Variants in CDYL observed in about 807,000 individuals in gnomAD.
CDYL encodes the protein chromodomain Y-like protein.
A neutral mutation model predicts 47.3 loss-of-function variants in CDYL; 8 were observed. The ratio of observed to expected loss-of-function variants is 0.17; its 90% CI spans 0.10 to 0.31. CDYL has a LOEUF of 0.31. CDYL is among the 10% of genes least tolerant of loss of function. The pLI is 1.00. For synonymous variants in CDYL, 266 were observed against 265.0 expected (o/e 1.00, Z -0.04); for missense variants, 471 against 701.4 (o/e 0.67, Z 3.71).
intron 2 of CDYL, among the ~76,000 whole-genome samples, chr6:4,919,754 T>C (rs1396444497): frequency 6.6e-6 from 1 of 152,178 alleles, no homozygotes; most frequent in Non-Finnish European, 1.5e-5. Flanking sequence ...TTCCAATAGT[T>C]TTATTATAAT....
intron 1 of CDYL, among the ~76,000 whole-genome samples, chr6:4,873,330 T>A (rs1761527151): frequency 6.6e-6 from 1 of 152,206 alleles, no homozygotes; most frequent in Admixed American, 6.5e-5. Context: ...AAAAAGTGGA[T>A]AGATATGATA....
chr6:4,724,006 T>C (rs1757429099), intron 2 of CDYL, among the ~76,000 whole-genome samples: 1 of 152,244 alleles, frequency 6.6e-6, no homozygotes, highest in Non-Finnish European at 1.5e-5. Flanking sequence ...TCATCCCACA[T>C]ACCTGTGCTA....
chr6:4,896,344 G>A (rs989984012), intron 2 of CDYL, among the ~76,000 whole-genome samples: 3 of 152,220 alleles, frequency 2.0e-5, no homozygotes, highest in South Asian at 2.1e-4. Context: ...CTGCTAGATC[G>A]TAAGCTCCAA....
chr6:4,913,151 G>A (rs1452166575), intron 2 of CDYL, among the ~76,000 whole-genome samples: 3 of 152,184 alleles, frequency 2.0e-5, no homozygotes, highest in Non-Finnish European at 4.4e-5. Context: ...AGCTAACTTG[G>A]CAGAGACCTT....
At chr6:4,901,075 A>G (rs1185796840) in intron 2 of CDYL, among the ~76,000 whole-genome samples, 1 of 151,446 alleles carries the variant, frequency 6.6e-6, no homozygotes, top group Non-Finnish European at 1.5e-5. Context: ...ATGTGCATTA[A>G]TTTTATGGTT....
chr6:4,937,842 C>T, intron 4 of CDYL, 105 bp downstream of exon 4: 1 of 821,272 alleles, frequency 1.2e-6, no homozygotes, highest in Non-Finnish European at 1.9e-6. Context: ...AGATACACAT[C>T]TTCTCCCATG....
intron 1 of CDYL, among the ~76,000 whole-genome samples, chr6:4,825,848 CAAAAA>C (rs34591908): frequency 2.0e-5 from 2 of 98,840 alleles, no homozygotes; most frequent in Admixed American, 1.1e-4. Flanking sequence ...CCTAGAATGG[CAAAAA>C]AAAAAAAAAA....
intron 2 of CDYL, among the ~76,000 whole-genome samples, chr6:4,934,438 C>T (rs1758126272): frequency 6.6e-6 from 1 of 152,062 alleles, no homozygotes; most frequent in Admixed American, 6.5e-5. Context: ...CTGAAATGTC[C>T]ATTCATGAGT....
In CDYL at chr6:4,709,475, C is replaced by T. The variant is rs754214773; in HGVS notation, c.-39+3224C>T. 8.5e-5 allele frequency among the ~76,000 whole-genome samples: 13 copies of T among 152,210 alleles called. 1 individual carries two copies. The highest frequency in any genetic ancestry group is 6.8e-3 in the Middle Eastern group (2 of 292). On this transcript the variant is annotated intron_variant, in intron 1 of 8. Transcript: ENST00000328908. Reference sequence around the variant, plus strand: ...CTTCCCAAAGTGCTGGGATTACAGGCGTGAGCCATTGCACCCAGCCGCCCC... The same window carrying T: ...CTTCCCAAAGTGCTGGGATTACAGGTGTGAGCCATTGCACCCAGCCGCCCC...
At chr6:4,734,814 A>C in exon 3 of CDYL, 1 of 1,614,156 alleles carries the variant, frequency 6.2e-7, no homozygotes. Flanking sequence ...GCAGTGAGCA[A>C]AGCGGGGCAC....
At chr6:4,947,753 T>C (rs188250583) in intron 5 of CDYL, among the ~76,000 whole-genome samples, 113 of 152,222 alleles carry the variant, frequency 7.4e-4, no homozygotes, top group African/African-American at 2.7e-3. Context: ...CCAGCGTCCA[T>C]GGAAGGGCAG....
chr6:4,774,331 C>T (rs9689461), upstream of CDYL, among the ~76,000 whole-genome samples: 33,463 of 152,042 alleles, frequency 0.22, 5,434 homozygotes, highest in African/African-American at 0.46. Context: ...TTGAGATTTC[C>T]CAAATGTATA....
At chr6:4,716,903 C>T (rs899098242) in intron 2 of CDYL, among the ~76,000 whole-genome samples, 25 of 152,054 alleles carry the variant, frequency 1.6e-4, no homozygotes, top group African/African-American at 7.2e-5. Context: ...TGATACCATA[C>T]AAGTAGCATG....
At position 4,776,740 on chromosome 6, in the gene CDYL, C is replaced by G. The variant is rs771675462; in HGVS notation, c.-44C>G. The G allele has an allele frequency of 2.5e-5, 31 of 1,263,138 alleles. No homozygotes were observed. The Middle Eastern group carries it at 1.5e-3, about 62-fold the overall frequency. 78.2% of individuals were successfully genotyped at this position (1,263,138 alleles called of 1,614,324 possible). ...AGTGTCGGCCGCCCGGCGCCGGCGC[C>G]CGCCCCGACCCTGCCCCTCCCGCCC... On this transcript the variant is annotated 5_prime_UTR_variant, in exon 1 of 7. Coordinates refer to ENST00000397588, the MANE Select transcript of CDYL (RefSeq NM_004824.4).
At chr6:4,871,295 A>C (rs572104777) in intron 1 of CDYL, among the ~76,000 whole-genome samples, 59 of 152,302 alleles carry the variant, frequency 3.9e-4, no homozygotes, top group Middle Eastern at 3.4e-3. Flanking sequence ...TTGAGCCCAT[A>C]AGGCTTCCAC....
intron 3 of CDYL, among the ~76,000 whole-genome samples, chr6:4,745,258 C>T (rs1275766246): frequency 6.6e-6 from 1 of 152,162 alleles, no homozygotes. Flanking sequence ...CCTCGCCTGG[C>T]CTACCCCAGC....
chr6:4,914,938 G>C (rs1275044327), intron 2 of CDYL, among the ~76,000 whole-genome samples: 1 of 152,234 alleles, frequency 6.6e-6, no homozygotes, highest in African/African-American at 2.4e-5. Flanking sequence ...GTCCAGGACA[G>C]AGCTGGCTTC....
intron 1 of CDYL, among the ~76,000 whole-genome samples, chr6:4,804,714 C>T (rs953791836): frequency 6.6e-6 from 1 of 152,198 alleles, no homozygotes; most frequent in African/African-American, 2.4e-5. Flanking sequence ...TCTGCACGTC[C>T]GTCTGGGTCC....
chr6:4,811,026 C>T (rs1220610478), intron 1 of CDYL, among the ~76,000 whole-genome samples: 1 of 152,196 alleles, frequency 6.6e-6, no homozygotes, highest in Non-Finnish European at 1.5e-5. Flanking sequence ...CAATGCATAT[C>T]ATCTTGTGTC....
Sources: allele counts gnomAD v4.1 joint callset (sites outside exome capture counted in the v4.1 genomes callset), GRCh38; gene constraint gnomAD v4.1.1; transcripts MANE v1.5; gene names NCBI Gene and HGNC (gene_info 2026-07-23, HGNC 2026-07-21).